Variants in RDM1 observed in about 807,000 individuals in gnomAD.
RDM1 encodes the protein RAD52 motif-containing protein 1.
Under a neutral mutation model 27.7 loss-of-function variants are expected in RDM1, and 28 were observed. The ratio of observed to expected loss-of-function variants is 1.01; its 90% CI spans 0.75 to 1.39. The LOEUF is 1.39. RDM1 is among the 40% of genes most tolerant of loss of function. The pLI is 0.00. For synonymous variants in RDM1, 124 were observed against 127.5 expected (o/e 0.97, Z 0.19); for missense variants, 277 against 337.3 (o/e 0.82, Z 1.40).
chr17:35,928,947 C>T (rs376154805), intron 2 of RDM1, among the ~76,000 whole-genome samples: 1 of 150,942 alleles, frequency 6.6e-6, no homozygotes, highest in Non-Finnish European at 1.5e-5. Context: ...TGGTGGCAGG[C>T]GCCTGTAGTC....
intron 3 of RDM1, among the ~76,000 whole-genome samples, 194 bp from the exon 4 acceptor site, chr17:35,924,966 T>C (rs2089086345): frequency 6.6e-6 from 1 of 152,028 alleles, no homozygotes; most frequent in Non-Finnish European, 1.5e-5. Context: ...AAACTCCGTC[T>C]CTACTAAAAA....
chr17:35,929,439 T>C (rs977036304), intron 2 of RDM1, among the ~76,000 whole-genome samples: 1 of 152,032 alleles, frequency 6.6e-6, no homozygotes, highest in Non-Finnish European at 1.5e-5. Flanking sequence ...TAATTTTTTA[T>C]TTTTCTTTCT....
chr17:35,930,053 A>C, intron 2 of RDM1, 23 bp downstream of exon 2: 443 of 1,503,430 alleles, frequency 2.9e-4, no homozygotes, highest in Non-Finnish European at 3.8e-4. Flanking sequence ...CAGCGGAGCT[A>C]GGAATTCCAT....
intron 1 of RDM1, 60 bp downstream of exon 1, chr17:35,930,572 C>T: frequency 6.6e-7 from 1 of 1,507,206 alleles, no homozygotes; most frequent in Non-Finnish European, 9.1e-7. Flanking sequence ...GACTCCGGAA[C>T]TCCCAGTCAG....
At chr17:35,930,035 C>T (rs770493972) in intron 2 of RDM1, 41 bp downstream of exon 2, 73 of 1,545,904 alleles carry the variant, frequency 4.7e-5, no homozygotes, top group Non-Finnish European at 1.8e-5. Context: ...GAATTCAGCA[C>T]TTCATTTCAG....
rs1176317824 is a variant in RDM1, at chr17:35,926,627, A to G, written c.277-990T>C. Among the ~76,000 whole-genome samples, 6 of 152,210 alleles carry G rather than the reference A, an allele frequency of 3.9e-5. No individual in the cohort carries two copies. The East Asian group carries it at 1.2e-3, about 29-fold the overall frequency. ...CACCGTGTTAGCCAGGATGGTCTCG[A>G]TCTCCTGACCTTGTGATCTGCCCGC... On this transcript the variant is annotated intron_variant, in intron 2 of 6. Transcript: ENST00000620284.
intron 2 of RDM1, among the ~76,000 whole-genome samples, chr17:35,927,653 G>C (rs1489901531): frequency 1.3e-5 from 2 of 151,842 alleles, no homozygotes; most frequent in Non-Finnish European, 2.9e-5. Context: ...AGTAGTAACT[G>C]AAAGCTTTGA....
At chr17:35,929,332 C>G (rs1042307396) in intron 2 of RDM1, among the ~76,000 whole-genome samples, 68 of 152,306 alleles carry the variant, frequency 4.5e-4, no homozygotes, top group African/African-American at 1.5e-3. Context: ...GCAATTATTG[C>G]TCACTGCATC....
At chr17:35,926,408 C>CTTTTTT (rs912331916) in intron 2 of RDM1, among the ~76,000 whole-genome samples, 2 of 146,938 alleles carry the variant, frequency 1.4e-5, no homozygotes, top group Non-Finnish European at 1.5e-5. Context: ...CAGTAAAGTT[C>CTTTTTT]TTTTTTTTTT....
Position 35,918,276 on chromosome 17 carries a change from G to T in RDM1, c.*66C>A, listed in dbSNP as rs932374838. The T allele has an allele frequency of 3.6e-6, 5 of 1,381,788 alleles. No individual in the cohort carries two copies. Among genetic ancestry groups the T allele is most frequent in the African/African-American group, 1.4e-5 (1 of 70,374 alleles). 85.6% of individuals were successfully genotyped at this position (1,381,788 alleles called of 1,614,324 possible). Reference sequence around the variant, plus strand: ...GCAGCCTATAGTGGTGGGGCGGCGTGGGGTAGGGGCACGACAGAGCTTCCC... The same window carrying T: ...GCAGCCTATAGTGGTGGGGCGGCGTTGGGTAGGGGCACGACAGAGCTTCCC... On this transcript the variant is annotated 3_prime_UTR_variant, in exon 7 of 7. Coordinates refer to ENST00000620284, the MANE Select transcript of RDM1 (RefSeq NM_145654.4).
rs2088985507 is a variant in RDM1 at position 35,922,599 on chromosome 17, C to A, written c.645G>T (p.Gln215His). ...AIQKALSDAF[Q>H]KLLIVVLESG... Reference sequence around the variant, plus strand: ...TACCTAGAACAACAATCAACAGTTTCTGGAATGCATCTGACAAAGCCTTCT... The same window carrying A: ...TACCTAGAACAACAATCAACAGTTTATGGAATGCATCTGACAAAGCCTTCT... Residue 215 changes from glutamine to histidine, a missense_variant, in exon 5 of 7, where the codon CAG (glutamine) becomes CAT (histidine). By Grantham distance (24) the Gln-to-His change is conservative. Transcript: ENST00000620284. The A allele has an allele frequency of 6.2e-7, 1 of 1,611,670 alleles. No homozygotes were observed. The highest frequency in any genetic ancestry group is 1.1e-5 in the South Asian group (1 of 90,916).
At chr17:35,930,339 C>A (rs999659398) in intron 1 of RDM1, 84 bp from the exon 2 acceptor site, 17 of 1,557,148 alleles carry the variant, frequency 1.1e-5, no homozygotes, top group Non-Finnish European at 1.4e-5. Flanking sequence ...CCAAACCTCT[C>A]TTCGCGAAGG....
At chr17:35,924,506 A>G (rs1023427438) in intron 4 of RDM1, 98 bp downstream of exon 4, 1 of 1,299,704 alleles carries the variant, frequency 7.7e-7, no homozygotes, top group Admixed American at 2.2e-5. Context: ...GAGGGGCTTG[A>G]TATGTATCTG....
At chr17:35,924,883 C>G (rs2141940757) in intron 3 of RDM1, 111 bp from the exon 4 acceptor site, 1 of 1,043,368 alleles carries the variant, frequency 9.6e-7, no homozygotes, top group East Asian at 2.5e-5. Context: ...CGCCTGTAAT[C>G]CCAGTACTTT....
intron 5 of RDM1, among the ~76,000 whole-genome samples, chr17:35,922,004 T>G (rs1382901882): frequency 6.8e-6 from 1 of 146,154 alleles, no homozygotes; most frequent in Non-Finnish European, 1.5e-5. Context: ...CACTGTAAGC[T>G]CCACCTCCCA....
In RDM1 at chr17:35,918,214, G is replaced by C; in HGVS notation, c.*128C>G. The C allele has an allele frequency of 1.4e-6, 1 of 720,800 alleles. No homozygotes were observed. Among genetic ancestry groups the C allele is most frequent in the Non-Finnish European group, 2.4e-6 (1 of 416,934 alleles). The allele number at this position is 720,800 out of a possible 1,614,324, so 44.7% of individuals were successfully genotyped here. A position where few individuals can be genotyped will look rare whatever the true frequency, so the allele number is the denominator to read the frequency against. ...CCCTTCCCTCCCCTTCGCCAGGAAAGATTTGGGCGGCCGACCCAGGTGGTT... is the reference window on the plus strand; with the variant it reads ...CCCTTCCCTCCCCTTCGCCAGGAAACATTTGGGCGGCCGACCCAGGTGGTT... On this transcript the variant is annotated 3_prime_UTR_variant, in exon 7 of 7. Transcript: ENST00000620284.
intron 5 of RDM1, among the ~76,000 whole-genome samples, chr17:35,920,611 C>G (rs2088908249): frequency 6.6e-6 from 1 of 151,932 alleles, no homozygotes; most frequent in African/African-American, 2.4e-5. Context: ...AGGTACACAC[C>G]ACTGTGCCTG....
intron 2 of RDM1, among the ~76,000 whole-genome samples, chr17:35,929,404 G>A (rs767997431): frequency 2.0e-5 from 3 of 152,132 alleles, no homozygotes; most frequent in Non-Finnish European, 2.9e-5. Context: ...GGGACTACAG[G>A]TGCATGCCAC....
chr17:35,918,513 C>T (rs1388923654), intron 6 of RDM1, 70 bp from the exon 7 acceptor site: 6 of 1,309,512 alleles, frequency 4.6e-6, no homozygotes, highest in South Asian at 2.4e-5. Context: ...AAAATGTTGC[C>T]GTTTTTGCTA....
Sources: allele counts gnomAD v4.1 joint callset (sites outside exome capture counted in the v4.1 genomes callset), GRCh38; gene constraint gnomAD v4.1.1; transcripts MANE v1.5; gene names NCBI Gene and HGNC (gene_info 2026-07-23, HGNC 2026-07-21).